The following DIPK2B variants were observed in gnomAD, a reference collection of about 807,000 sequenced individuals.
DIPK2B encodes the protein UPF0672 protein CXorf36.
Under a neutral mutation model 22.2 loss-of-function variants are expected in DIPK2B, and 15 were observed. The ratio of observed to expected loss-of-function variants is 0.68; its 90% CI spans 0.45 to 1.04. DIPK2B has a LOEUF of 1.04. DIPK2B is among the 50% of genes least tolerant of loss of function. The pLI is 0.00. For missense variants in DIPK2B, 345 were observed against 348.3 expected (o/e 0.99, Z 0.08); for synonymous variants, 163 against 153.2 (o/e 1.06, Z -0.47).
intron 2 of DIPK2B, among the ~76,000 whole-genome samples, chrX:45,172,380 T>C (rs747542646): frequency 3.5e-4 from 39 of 111,523 alleles, no homozygotes; most frequent in African/African-American, 1.2e-3. Flanking sequence ...GTAGCCCAGG[T>C]CAAGGCTACT....
In DIPK2B at chrX:45,200,868, C is replaced by T. The variant is rs1192575906; in HGVS notation, c.-42G>A. On this transcript the variant is annotated 5_prime_UTR_variant, in exon 1 of 5. Coordinates refer to ENST00000398000, the MANE Select transcript of DIPK2B (RefSeq NM_176819.4). ...CAGCTGCAGCCTCTGGCTGTCCACT[C>T]GAGGCTGTACAGAGGCAGGGCTTGG... 1 of 1,066,966 alleles carries T rather than the reference C, an allele frequency of 9.4e-7. No individual in the cohort carries two copies. 87.9% of individuals were successfully genotyped at this position (1,066,966 alleles called of 1,213,427 possible).
chrX:45,159,829 G>A (rs763029845), intron 2 of DIPK2B, among the ~76,000 whole-genome samples: 10 of 112,324 alleles, frequency 8.9e-5, no homozygotes, highest in Admixed American at 4.7e-4. Context: ...GCATTGATAT[G>A]AAGACAAATA....
intron 2 of DIPK2B, among the ~76,000 whole-genome samples, chrX:45,161,787 G>A (rs773224923): frequency 2.7e-5 from 3 of 111,809 alleles, no homozygotes; most frequent in African/African-American, 9.8e-5. Context: ...GAAGAAAGGA[G>A]GTGTCAGAGA....
At chrX:45,170,886 T>A in intron 2 of DIPK2B, among the ~76,000 whole-genome samples, 1 of 112,399 alleles carries the variant, frequency 8.9e-6, no homozygotes, top group Non-Finnish European at 1.9e-5. Flanking sequence ...ATGTGGTACC[T>A]TGCTTAGTTC....
intron 2 of DIPK2B, among the ~76,000 whole-genome samples, chrX:45,189,582 C>A (rs1171997505): frequency 9.2e-6 from 1 of 109,089 alleles, no homozygotes; most frequent in Non-Finnish European, 1.9e-5. Flanking sequence ...CACTGCACTC[C>A]AGCCGGGGTG....
At chrX:45,155,765 C>T (rs1243594550) in intron 3 of DIPK2B, among the ~76,000 whole-genome samples, 2 of 109,712 alleles carry the variant, frequency 1.8e-5, no homozygotes. Flanking sequence ...TCCTGGCTAA[C>T]CTTTTCTTGA....
Position 45,151,620 on chromosome X carries a change from G to C in DIPK2B, c.*32C>G. 1.7e-6 allele frequency: 2 copies of C among 1,174,303 alleles called. No individual in the cohort carries two copies. The highest frequency in any genetic ancestry group is 2.3e-6 in the Non-Finnish European group (2 of 869,067). On this transcript the variant is annotated 3_prime_UTR_variant, in exon 5 of 5. Coordinates refer to ENST00000398000, the MANE Select transcript of DIPK2B (RefSeq NM_176819.4). Reference sequence around the variant, plus strand: ...ACTGGGAGAATGGAGAGCCAAGCGTGTTGTCCCCAAGGCCAGCTAGACACC... The same window carrying C: ...ACTGGGAGAATGGAGAGCCAAGCGTCTTGTCCCCAAGGCCAGCTAGACACC...
chrX:45,165,889 C>T (rs145142241), intron 2 of DIPK2B, among the ~76,000 whole-genome samples: 2,200 of 111,165 alleles, frequency 0.02, 53 homozygotes, highest in African/African-American at 0.068. Context: ...TACATTAGTA[C>T]GTATCATTGT....
intron 2 of DIPK2B, among the ~76,000 whole-genome samples, chrX:45,161,115 G>A (rs1454878328): frequency 1.8e-5 from 2 of 112,447 alleles, no homozygotes; most frequent in African/African-American, 6.5e-5. Context: ...GTGGTGCTCA[G>A]GCAGCCATCT....
chrX:45,194,067 A>C (rs2047226050), intron 1 of DIPK2B, among the ~76,000 whole-genome samples: 1 of 112,111 alleles, frequency 8.9e-6, no homozygotes. Context: ...GATTCATTTA[A>C]TTGTTTCAAT....
chrX:45,193,824 G>T (rs2047224545), intron 1 of DIPK2B, among the ~76,000 whole-genome samples: 1 of 111,381 alleles, frequency 9.0e-6, no homozygotes, highest in Non-Finnish European at 1.9e-5. Context: ...CCTCTAGGTG[G>T]ATAAGGAAGG....
chrX:45,183,574 G>A (rs766481079), intron 2 of DIPK2B: 1 of 112,340 alleles, frequency 8.9e-6, no homozygotes, highest in Non-Finnish European at 1.9e-5. Flanking sequence ...ATGGGGAAAT[G>A]ATGATCTTAA....
At chrX:45,181,700 T>G (rs1001591585) in intron 2 of DIPK2B, among the ~76,000 whole-genome samples, 1 of 111,760 alleles carries the variant, frequency 8.9e-6, no homozygotes, top group African/African-American at 3.3e-5. Context: ...AAAAAATAAT[T>G]TGGGATGTAT....
rs966566275 is a variant in DIPK2B at position 45,193,026 on chromosome X, G to A, written c.234-1011C>T. On this transcript the variant is annotated intron_variant, in intron 1 of 4. Coordinates refer to ENST00000398000, the MANE Select transcript of DIPK2B (RefSeq NM_176819.4). ...ACTGCTGGCCTCAGGTGATCCGCCC[G>A]CCTCTACCTCCCAAAGTGTTGGGAT... Among the ~76,000 whole-genome samples the A allele has an allele frequency of 6.2e-5, 7 of 112,494 alleles. No individual in the cohort carries two copies. The East Asian group carries it at 8.4e-4, about 14-fold the overall frequency.
intron 2 of DIPK2B, among the ~76,000 whole-genome samples, chrX:45,180,479 A>T (rs1245846669): frequency 1.8e-5 from 2 of 111,928 alleles, no homozygotes; most frequent in Admixed American, 1.9e-4. Flanking sequence ...TTGTCAATGT[A>T]TTGGAAGCCC....
intron 2 of DIPK2B, among the ~76,000 whole-genome samples, chrX:45,184,834 T>C (rs886366846): frequency 8.9e-6 from 1 of 112,445 alleles, no homozygotes; most frequent in South Asian, 3.7e-4. Context: ...TGGGGAAATA[T>C]AGAGTTTTCA....
At chrX:45,166,225 C>T (rs1448630871) in intron 2 of DIPK2B, among the ~76,000 whole-genome samples, 1 of 111,459 alleles carries the variant, frequency 9.0e-6, no homozygotes, top group East Asian at 2.8e-4. Context: ...ACCGAAGCAC[C>T]AGATGCATGG....
At chrX:45,166,718 A>G (rs11091139) in intron 2 of DIPK2B, among the ~76,000 whole-genome samples, 11,937 of 111,720 alleles carry the variant, frequency 0.11, 1,490 homozygotes, top group African/African-American at 0.36. Flanking sequence ...ATTTGCTCAG[A>G]TGGAAACAAG....
intron 2 of DIPK2B, among the ~76,000 whole-genome samples, chrX:45,180,738 C>T (rs777742020): frequency 7.2e-5 from 8 of 111,546 alleles, no homozygotes; most frequent in Non-Finnish European, 9.4e-5. Flanking sequence ...CAGTGGATGC[C>T]TGAAGCCACA....
Sources: allele counts gnomAD v4.1 joint callset (sites outside exome capture counted in the v4.1 genomes callset), GRCh38; gene constraint gnomAD v4.1.1; transcripts MANE v1.5; gene names NCBI Gene and HGNC (gene_info 2026-07-23, HGNC 2026-07-21).